Variants in MTA3 observed in about 807,000 individuals in gnomAD.
MTA3 encodes metastasis-associated protein MTA3.
A neutral mutation model predicts 83.5 loss-of-function variants in MTA3; 34 were observed. The observed-to-expected ratio is 0.41, with a 90% confidence interval of 0.31 to 0.54. The LOEUF is 0.54. Ranked by LOEUF, MTA3 falls within the 20% of genes least tolerant of loss-of-function variation. The pLI is 0.33. For synonymous variants in MTA3, 303 were observed against 252.7 expected (o/e 1.20, Z -1.89); for missense variants, 761 against 726.4 (o/e 1.05, Z -0.55).
Position 42,755,218 on chromosome 2 carries a change from T to G in MTA3, c.*1819T>G. 5.1e-6 allele frequency: 5 copies of G among 985,512 alleles called. No individual in the cohort carries two copies. The highest frequency in any genetic ancestry group is 6.0e-6 in the Non-Finnish European group (5 of 829,968). The allele number at this position is 985,512 out of a possible 1,614,324, so 61.0% of individuals were successfully genotyped here. Reference sequence around the variant, plus strand: ...CCCTGCTCTGGATTTATTGTCGTACTTGGACCCAGAAGGGGAAATGATTCC... The same window carrying G: ...CCCTGCTCTGGATTTATTGTCGTACGTGGACCCAGAAGGGGAAATGATTCC... On this transcript the variant is annotated 3_prime_UTR_variant, in exon 17 of 17. Transcript: ENST00000405094.
intron 8 of MTA3, among the ~76,000 whole-genome samples, chr2:42,670,426 G>A (rs1185169045): frequency 1.3e-5 from 2 of 152,072 alleles, no homozygotes; most frequent in Non-Finnish European, 2.9e-5. Flanking sequence ...TTTAGTTTAA[G>A]CATCTAATTG....
chr2:42,537,012 G>A (rs1402010503), intron 2 of MTA3, among the ~76,000 whole-genome samples: 2 of 152,092 alleles, frequency 1.3e-5, no homozygotes, highest in Non-Finnish European at 2.9e-5. Flanking sequence ...CACATCCAAG[G>A]TCTTCAATAT....
chr2:42,720,340 G>C (rs936800623), intron 15 of MTA3, among the ~76,000 whole-genome samples: 1 of 151,938 alleles, frequency 6.6e-6, no homozygotes, highest in African/African-American at 2.4e-5. Flanking sequence ...CCGCCACCAC[G>C]TCCAGCTAAT....
At chr2:42,546,288 A>T (rs1035971926) in intron 2 of MTA3, among the ~76,000 whole-genome samples, 1 of 152,060 alleles carries the variant, frequency 6.6e-6, no homozygotes, top group African/African-American at 2.4e-5. Flanking sequence ...CCCCAGGAGA[A>T]ATTAGTGGAG....
chr2:42,707,791 A>C, intron 12 of MTA3, 112 bp from the exon 13 acceptor site: 1 of 1,204,806 alleles, frequency 8.3e-7, no homozygotes, highest in Non-Finnish European at 1.1e-6. Context: ...GCTGGGAACA[A>C]TAACATTGTA....
upstream of MTA3, among the ~76,000 whole-genome samples, chr2:42,565,475 G>T (rs905515914): frequency 4.0e-5 from 6 of 151,582 alleles, no homozygotes; most frequent in Non-Finnish European, 8.8e-5. Context: ...GCCACCTATA[G>T]CTTTCTTGCT....
chr2:42,605,861 C>T (rs568269576), intron 3 of MTA3, among the ~76,000 whole-genome samples: 1 of 133,898 alleles, frequency 7.5e-6, no homozygotes, highest in Non-Finnish European at 1.6e-5. Context: ...CACCTCCCTC[C>T]TGGACGGGGC....
At chr2:42,751,573 C>T (rs1040202047) in intron 16 of MTA3, among the ~76,000 whole-genome samples, 1 of 152,098 alleles carries the variant, frequency 6.6e-6, no homozygotes, top group Non-Finnish European at 1.5e-5. Context: ...GCCCAGAATA[C>T]AGAGAGGTGG....
At chr2:42,718,107 T>C (rs1426085605) in intron 14 of MTA3, among the ~76,000 whole-genome samples, 2 of 151,824 alleles carry the variant, frequency 1.3e-5, no homozygotes, top group African/African-American at 4.8e-5. Context: ...TTTTTTTTTT[T>C]TTTTCGCTTT....
At chr2:42,586,240 C>T (rs1391911066) in intron 3 of MTA3, among the ~76,000 whole-genome samples, 7 of 150,078 alleles carry the variant, frequency 4.7e-5, no homozygotes. Flanking sequence ...TACCATTGCA[C>T]TCCAGCCCGG....
chr2:42,623,360 T>A (rs897723783), intron 4 of MTA3, among the ~76,000 whole-genome samples: 1 of 152,176 alleles, frequency 6.6e-6, no homozygotes, highest in Non-Finnish European at 1.5e-5. Context: ...GCATGCTTTT[T>A]ATAAAAGGGA....
intron 3 of MTA3, among the ~76,000 whole-genome samples, chr2:42,579,797 AC>A (rs1679419106): frequency 1.3e-5 from 2 of 150,340 alleles, no homozygotes; most frequent in Admixed American, 1.3e-4. Flanking sequence ...GTAATCTCCC[AC>A]CTTGGCCTCT....
In MTA3 at chr2:42,551,696, A is replaced by G. The variant is rs141123453; in HGVS notation, c.-140-18741A>G. ...AGTGCTGGGGAGTTGAGCAGATATT[A>G]CAATGTTAAATAGGATGGGAAGGGA... is the stretch of plus-strand genomic sequence containing the variant. On this transcript the variant is annotated intron_variant, in intron 2 of 17. Transcript: ENST00000405592. 7.9e-3 allele frequency among the ~76,000 whole-genome samples: 1,201 copies of G among 152,144 alleles called. 4 individuals carry two copies. The highest frequency in any genetic ancestry group is 0.013 in the Non-Finnish European group (894 of 68,004).
intron 2 of MTA3, among the ~76,000 whole-genome samples, chr2:42,523,762 A>G (rs1675538769): frequency 1.3e-5 from 2 of 152,012 alleles, no homozygotes; most frequent in Non-Finnish European, 2.9e-5. Flanking sequence ...AAACAAAAAC[A>G]AAACAAATAG....
At chr2:42,524,291 A>C (rs1191941443) in intron 2 of MTA3, among the ~76,000 whole-genome samples, 2 of 150,774 alleles carry the variant, frequency 1.3e-5, no homozygotes, top group East Asian at 1.9e-4. Context: ...CAATGGTTGC[A>C]ACCATTATTA....
At chr2:42,505,217 T>TC (rs1337517429) in intron 2 of MTA3, among the ~76,000 whole-genome samples, 3 of 151,812 alleles carry the variant, frequency 2.0e-5, no homozygotes, top group Admixed American at 2.0e-4. Flanking sequence ...ACAGTGAAAC[T>TC]CTATCTCTAC....
In MTA3 at chr2:42,723,071, T is replaced by C. The variant is rs1480073411; in HGVS notation, c.1759+36T>C. On this transcript the variant is annotated intron_variant, in intron 16 of 16. Transcript: ENST00000405094. ...CCAGGAATTCTGGAGGCTGTTCTGA[T>C]AGAGTGCCTTCACACTCAGGCATGT... 3.2e-6 allele frequency: 5 copies of C among 1,546,182 alleles called. No individual in the cohort carries two copies. In the Admixed American group the frequency reaches 7.9e-5, roughly 24 times the overall value.
chr2:42,612,306 C>T (rs938745939), intron 4 of MTA3, among the ~76,000 whole-genome samples: 2 of 152,102 alleles, frequency 1.3e-5, no homozygotes, highest in African/African-American at 4.8e-5. Context: ...CCTTAAACTC[C>T]TGGGCTCAAG....
intron 9 of MTA3, among the ~76,000 whole-genome samples, chr2:42,691,182 T>G (rs1692863767): frequency 6.6e-6 from 1 of 152,120 alleles, no homozygotes; most frequent in Non-Finnish European, 1.5e-5. Flanking sequence ...CAGCTAATTT[T>G]TGTATTTTTA....
Sources: allele counts gnomAD v4.1 joint callset (sites outside exome capture counted in the v4.1 genomes callset), GRCh38; gene constraint gnomAD v4.1.1; transcripts MANE v1.5; gene names NCBI Gene and HGNC (gene_info 2026-07-23, HGNC 2026-07-21).